The following POTEF variants were observed in gnomAD, a reference collection of about 807,000 sequenced individuals.
The protein encoded by POTEF is POTE ankyrin domain family member F, also known as ANKRD26-like family C member 1B.
A neutral mutation model predicts 83.2 loss-of-function variants in POTEF; 20 were observed. The ratio of observed to expected loss-of-function variants is 0.24; its 90% CI spans 0.17 to 0.35. The LOEUF is 0.35. Among genes scored for constraint, POTEF ranks in the 10% least tolerant of loss-of-function variants. POTEF has a pLI of 1.00. For missense variants in POTEF, 550 were observed against 1,203.2 expected (o/e 0.46, Z 8.03); for synonymous variants, 196 against 446.4 (o/e 0.44, Z 7.07).
rs183306369 is a variant in POTEF, at chr2:130,114,283, C to T, written c.810+598G>A. Among the ~76,000 whole-genome samples the T allele has an allele frequency of 3.2e-3, 484 of 151,930 alleles. 2 individuals carry two copies. Among genetic ancestry groups the T allele is most frequent in the Admixed American group, 6.9e-3 (106 of 15,262 alleles). On this transcript the variant is annotated intron_variant, in intron 5 of 16. Coordinates refer to ENST00000409914, the MANE Select transcript of POTEF (RefSeq NM_001099771.2). ...CACCATGCAAAGGAAACAAATCAGT[C>T]AACAACAACAACAACACACACACAC...
chr2:130,114,563 T>G (rs572701254), intron 5 of POTEF, among the ~76,000 whole-genome samples: 17 of 146,292 alleles, frequency 1.2e-4, no homozygotes, highest in Admixed American at 1.1e-3. Context: ...TCAGGGCAAA[T>G]TTTGCCATTT....
intron 3 of POTEF, among the ~76,000 whole-genome samples, chr2:130,119,090 T>G (rs576192663): frequency 6.6e-6 from 1 of 151,898 alleles, no homozygotes; most frequent in Admixed American, 6.5e-5. Context: ...AGACAGCATG[T>G]GTAATTTAAA....
chr2:130,127,475 T>C (rs1172227832), intron 2 of POTEF, among the ~76,000 whole-genome samples: 1 of 149,850 alleles, frequency 6.7e-6, no homozygotes, highest in African/African-American at 2.5e-5. Context: ...GAGGACTCCT[T>C]TCCCTAAGTG....
At chr2:130,110,126 T>G (rs981649311) in intron 7 of POTEF, among the ~76,000 whole-genome samples, 6 of 151,436 alleles carry the variant, frequency 4.0e-5, no homozygotes, top group African/African-American at 1.2e-4. Context: ...TTTAGTGAAC[T>G]CCTTCGGTTC....
chr2:130,075,407 T>C lies in POTEF; in HGVS notation c.2065A>G (p.Asn689Asp), dbSNP rs533866437. ...TTCAATTGTAGAGCCTTTAAAAGAT[T>C]ATCATTCCTTTTTTTCACACTTTCA... ...DIESVKKRND[N>D]LLKALQLNEL... is the part of the protein sequence containing the mutation. The change falls in exon 17 of 17, where the codon AAT becomes GAT. Residue 689 changes from asparagine (N) to aspartate (D), a missense_variant. Asn to Asp is a conservative substitution (Grantham distance 23, BLOSUM62 1). Coordinates refer to ENST00000409914, the MANE Select transcript of POTEF (RefSeq NM_001099771.2). 19 of 1,611,654 alleles carry C rather than the reference T, an allele frequency of 1.2e-5. No individual in the cohort carries two copies. In the African/African-American group the frequency reaches 1.7e-4, roughly 15 times the overall value.
chr2:130,075,585 A>G lies in POTEF; in HGVS notation c.1900-13T>C. ...AACTAAGAGAAAGCTAAGTAAACAA[A>G]GAGAACTTTTAGTTAGCACTCAATA... On this transcript the variant is annotated splice_polypyrimidine_tract_variant and intron_variant, in intron 16 of 16. Transcript: ENST00000409914. The G allele has an allele frequency of 6.2e-7, 1 of 1,606,978 alleles. No homozygotes were observed. Among genetic ancestry groups the G allele is most frequent in the South Asian group, 1.1e-5 (1 of 90,144 alleles).
intron 3 of POTEF, among the ~76,000 whole-genome samples, chr2:130,119,349 G>A (rs1309839425): frequency 6.6e-6 from 1 of 151,698 alleles, no homozygotes; most frequent in Admixed American, 6.6e-5. Flanking sequence ...ATATTTTTTA[G>A]TAGAGACAGG....
At chr2:130,121,158 T>C (rs1330528076) in intron 2 of POTEF, among the ~76,000 whole-genome samples, 4 of 150,966 alleles carry the variant, frequency 2.6e-5, no homozygotes, top group Non-Finnish European at 4.4e-5. Flanking sequence ...TTATCTCAGG[T>C]GGCGTCAGGG....
At chr2:130,120,743 C>T (rs1558896687) in intron 2 of POTEF, 135 bp from the exon 3 acceptor site, 2 of 869,590 alleles carry the variant, frequency 2.3e-6, no homozygotes, top group Non-Finnish European at 3.5e-6. Flanking sequence ...GACCCCACGC[C>T]CACCCCAGAA....
At chr2:130,128,496 G>A (rs1382085105) in intron 1 of POTEF, among the ~76,000 whole-genome samples, 8 of 115,716 alleles carry the variant, frequency 6.9e-5, no homozygotes, top group African/African-American at 1.6e-4. Context: ...TGTAGCCCCC[G>A]GACAGCACAC....
intron 2 of POTEF, among the ~76,000 whole-genome samples, chr2:130,122,676 T>C (rs1394817492): frequency 6.6e-6 from 1 of 151,462 alleles, no homozygotes; most frequent in African/African-American, 2.5e-5. Context: ...ATATAGGACT[T>C]TTTCTATTTG....
At chr2:130,107,575 C>T in intron 8 of POTEF, 1 of 230,960 alleles carries the variant, frequency 4.3e-6, no homozygotes, top group Non-Finnish European at 8.4e-6. Context: ...TACAGCCACT[C>T]CTTATGGCTC....
intron 2 of POTEF, among the ~76,000 whole-genome samples, chr2:130,121,030 G>A (rs1441826741): frequency 6.6e-6 from 1 of 150,800 alleles, no homozygotes; most frequent in Non-Finnish European, 1.5e-5. Flanking sequence ...GCGCGTGCAA[G>A]CCGTTACAGG....
intron 2 of POTEF, among the ~76,000 whole-genome samples, chr2:130,121,051 C>T (rs968510355): frequency 7.3e-5 from 11 of 149,810 alleles, no homozygotes; most frequent in African/African-American, 2.3e-4. Context: ...CCGGCCAAAC[C>T]GTTATGCGCG....
intron 1 of POTEF, among the ~76,000 whole-genome samples, chr2:130,128,648 C>T (rs115743373): frequency 9.5e-3 from 1,403 of 147,544 alleles, no homozygotes; most frequent in African/African-American, 0.035. Flanking sequence ...GCCTCAAAAT[C>T]GCCGCCCCCA....
In POTEF at chr2:130,075,386, A is replaced by C; in HGVS notation, c.2086T>G (p.Leu696Val). Reference protein sequence around the residue: ...RNDNLLKALQLNELTMDDDTA... With the variant: ...RNDNLLKALQVNELTMDDDTA... ...TCATCATCCATGGTGAGCTCATTCA[A>C]TTGTAGAGCCTTTAAAAGATTATCA... The change falls in exon 17 of 17, where the codon TTG (leucine) becomes GTG (valine). Residue 696 changes from leucine (L) to valine (V), a missense_variant. Leu to Val is a conservative substitution (Grantham distance 32). Coordinates refer to ENST00000409914, the MANE Select transcript of POTEF (RefSeq NM_001099771.2). 1 of 1,611,930 alleles carries C rather than the reference A, an allele frequency of 6.2e-7. No homozygotes were observed.
chr2:130,075,922 T>C (rs1470757544), intron 16 of POTEF, among the ~76,000 whole-genome samples: 1 of 150,590 alleles, frequency 6.6e-6, no homozygotes, highest in African/African-American at 2.5e-5. Flanking sequence ...CCCAGAGGCA[T>C]AAAATATAAG....
chr2:130,108,441 A>AG (rs1684608890), intron 7 of POTEF, among the ~76,000 whole-genome samples: 1 of 152,050 alleles, frequency 6.6e-6, no homozygotes, highest in South Asian at 2.1e-4. Flanking sequence ...CAACAAAGTG[A>AG]GGACTTTGCT....
intron 3 of POTEF, among the ~76,000 whole-genome samples, 200 bp from the exon 4 acceptor site, chr2:130,115,528 T>C (rs370697535): frequency 1.3e-5 from 2 of 152,212 alleles, no homozygotes; most frequent in Non-Finnish European, 2.9e-5. Context: ...TATATGAATA[T>C]AAAGAGCATA....
Sources: gnomAD v4.1 joint callset for allele counts (sites outside exome capture counted in the v4.1 genomes callset) on GRCh38, gnomAD v4.1.1 for gene constraint, MANE v1.5 for transcripts, NCBI Gene and HGNC (gene_info 2026-07-23, HGNC 2026-07-21) for gene names.